Variants in ARPC2 observed in about 807,000 individuals in gnomAD.
The protein encoded by ARPC2 is actin related protein 2/3 complex subunit 2.
Under a neutral mutation model 38.6 loss-of-function variants are expected in ARPC2, and 4 were observed. That is an observed-to-expected ratio of 0.10 (90% CI 0.05 to 0.24). The LOEUF (loss-of-function observed/expected upper bound fraction) is 0.24. ARPC2 is among the 10% of genes least tolerant of loss of function. The pLI, the probability that ARPC2 is intolerant of heterozygous loss-of-function variation, is 1.00. For missense variants in ARPC2, 229 were observed against 387.3 expected, an observed-to-expected ratio of 0.59 and a Z score of 3.43; for synonymous variants, 125 against 140.8, an observed-to-expected ratio of 0.89 and a Z score of 0.79.
intron 5 of ARPC2, chr2:218,235,597 A>G (rs1356970371): frequency 6.6e-6 from 1 of 152,118 alleles, no homozygotes; most frequent in African/African-American, 2.4e-5. Context: ...AAATCAAGGT[A>G]TTAAAAGAAA....
chr2:218,247,222 T>A (rs1690060959), intron 8 of ARPC2, among the ~76,000 whole-genome samples: 1 of 152,210 alleles, frequency 6.6e-6, no homozygotes, highest in Admixed American at 6.5e-5. Context: ...AAGCCCAAGC[T>A]CCAGCCGTGA....
intron 1 of ARPC2, 84 bp from the exon 2 acceptor site, chr2:218,217,379 C>T: frequency 7.8e-7 from 1 of 1,278,326 alleles, no homozygotes; most frequent in Non-Finnish European, 1.1e-6. Context: ...CAGCCCCACT[C>T]AGGGGGCAGC....
chr2:218,219,030 A>G (rs1689324763), intron 2 of ARPC2, among the ~76,000 whole-genome samples: 1 of 152,128 alleles, frequency 6.6e-6, no homozygotes, highest in South Asian at 2.1e-4. Flanking sequence ...AACACATAGG[A>G]GGAAGTTGAA....
intron 1 of ARPC2, 47 bp from the exon 2 acceptor site, chr2:218,217,416 C>A: frequency 6.3e-7 from 1 of 1,592,916 alleles, no homozygotes. Flanking sequence ...TCCTTGCCTC[C>A]CTTACCCACC....
rs1427364041 is a variant in ARPC2 at position 218,254,007 on chromosome 2, G to A, written c.*92G>A. 2.6e-6 allele frequency: 4 copies of A among 1,533,424 alleles called. No homozygotes were observed. Among genetic ancestry groups the A allele is most frequent in the South Asian group, 1.1e-5 (1 of 87,352 alleles). The allele number at this position is 1,533,424 out of a possible 1,614,324, so 95.0% of individuals were successfully genotyped here. A position where few individuals can be genotyped will look rare whatever the true frequency, so the allele number is the denominator to read the frequency against. On this transcript the variant is annotated 3_prime_UTR_variant, in exon 11 of 11. Transcript: ENST00000315717. Reference sequence around the variant, plus strand: ...AGCTTTTAATGTTGCGCCTCTTCAGGTTCTTAAGGGATTCTCCGTTTTGGT... The same window carrying A: ...AGCTTTTAATGTTGCGCCTCTTCAGATTCTTAAGGGATTCTCCGTTTTGGT...
intron 4 of ARPC2, among the ~76,000 whole-genome samples, chr2:218,230,217 C>G (rs1406447889): frequency 6.6e-6 from 1 of 151,788 alleles, no homozygotes; most frequent in Non-Finnish European, 1.5e-5. Flanking sequence ...GGTGATCTGC[C>G]TGCCTCGACC....
chr2:218,249,059 A>C (rs1270786397), intron 8 of ARPC2, among the ~76,000 whole-genome samples: 1 of 152,198 alleles, frequency 6.6e-6, no homozygotes, highest in Non-Finnish European at 1.5e-5. Flanking sequence ...AAGAGCTAGT[A>C]CCTGTGTGGC....
chr2:218,234,237 G>A (rs1447775571), intron 4 of ARPC2, 115 bp from the exon 5 acceptor site: 15 of 769,484 alleles, frequency 1.9e-5, no homozygotes, highest in South Asian at 3.8e-5. Flanking sequence ...CCAAATGAAA[G>A]TTAGGAAGAA....
At chr2:218,249,647 G>A in intron 9 of ARPC2, 174 bp from the exon 10 acceptor site, 1 of 749,590 alleles carries the variant, frequency 1.3e-6, no homozygotes, top group Non-Finnish European at 2.2e-6. Context: ...CCTCCCTATA[G>A]CAGAGATGAA....
chr2:218,238,611 TTA>T, intron 5 of ARPC2, 51 bp from the exon 6 acceptor site: 12 of 826,700 alleles, frequency 1.5e-5, no homozygotes, highest in South Asian at 1.2e-4. Flanking sequence ...TTTTTTTTTT[TTA>T]AATGTAACTG....
intron 7 of ARPC2, among the ~76,000 whole-genome samples, chr2:218,242,590 A>G (rs1313915316): frequency 6.6e-6 from 1 of 152,156 alleles, no homozygotes; most frequent in Non-Finnish European, 1.5e-5. Flanking sequence ...CTTCTCCATC[A>G]GGGTAGTGGC....
intron 4 of ARPC2, 135 bp downstream of exon 4, chr2:218,228,985 G>C (rs1430399291): frequency 1.7e-6 from 1 of 572,436 alleles, no homozygotes; most frequent in Non-Finnish European, 3.1e-6. Context: ...CTCTTGACTT[G>C]ATTCCTATAA....
Position 218,249,883 on chromosome 2 carries a change from A to G in ARPC2, c.840A>G (p.Ala280=). Residue 280 remains alanine (A), a synonymous_variant, in exon 10 of 11, where the codon GCA becomes GCG. Transcript: ENST00000315717. Reference sequence around the variant, plus strand: ...ACTTCCTCAAGGTGCTGAACCGCGCACGCCCAGATGCCGAGAAAAAAGAAA... The same window carrying G: ...ACTTCCTCAAGGTGCTGAACCGCGCGCGCCCAGATGCCGAGAAAAAAGAAA... ...TSDFLKVLNR[A]RPDAEKKEMK... is the part of the protein sequence containing the mutation. 6.2e-7 allele frequency: 1 copy of G among 1,613,736 alleles called. No individual in the cohort carries two copies. Among genetic ancestry groups the G allele is most frequent in the Non-Finnish European group, 8.5e-7 (1 of 1,179,898 alleles).
chr2:218,234,493 T>TTGTA, intron 5 of ARPC2, 96 bp downstream of exon 5: 1 of 1,008,296 alleles, frequency 9.9e-7, no homozygotes, highest in Non-Finnish European at 1.5e-6. Context: ...GTTTAAATAT[T>TTGTA]ATTACAAATA....
chr2:218,224,196 G>T (rs748238401), intron 2 of ARPC2, among the ~76,000 whole-genome samples: 1 of 152,194 alleles, frequency 6.6e-6, no homozygotes, highest in Non-Finnish European at 1.5e-5. Context: ...AGAGAAATTT[G>T]AAATTAGAGA....
chr2:218,217,917 G>C (rs1017596360), intron 2 of ARPC2, among the ~76,000 whole-genome samples: 1 of 152,216 alleles, frequency 6.6e-6, no homozygotes, highest in Non-Finnish European at 1.5e-5. Context: ...TCTGAACCCA[G>C]AGAGAGCCTG....
intron 3 of ARPC2, among the ~76,000 whole-genome samples, chr2:218,226,566 T>G (rs147959140): frequency 6.9e-6 from 1 of 144,020 alleles, no homozygotes; most frequent in Non-Finnish European, 1.5e-5. Flanking sequence ...GAGGCGGAGC[T>G]TGCAGTGAGC....
rs142519088 is a variant in ARPC2 at position 218,222,767 on chromosome 2, T to A, written c.75-3153T>A. Among the ~76,000 whole-genome samples, 35 of 152,314 alleles carry A rather than the reference T, an allele frequency of 2.3e-4. No individual in the cohort carries two copies. The East Asian group carries it at 6.6e-3, about 29-fold the overall frequency. On this transcript the variant is annotated intron_variant, in intron 2 of 10. Transcript: ENST00000315717. ...GCTATATGCCTTAACATGGTTTCAT[T>A]TCATTTCTGTGACAGATAGTGGATC...
intron 10 of ARPC2, among the ~76,000 whole-genome samples, chr2:218,252,275 T>C (rs1326455253): frequency 6.6e-6 from 1 of 152,200 alleles, no homozygotes; most frequent in African/African-American, 2.4e-5. Flanking sequence ...CAAAGGCCTG[T>C]CTCTGTAGCA....
Sources: gnomAD v4.1 joint callset for allele counts (sites outside exome capture counted in the v4.1 genomes callset) on GRCh38, gnomAD v4.1.1 for gene constraint, MANE v1.5 for transcripts, NCBI Gene and HGNC (gene_info 2026-07-23, HGNC 2026-07-21) for gene names.